The following SLC16A3 variants were observed in gnomAD, a reference collection of about 807,000 sequenced individuals.
SLC16A3 encodes solute carrier family 16 member 3.
In SLC16A3, 22 loss-of-function variants were observed where a neutral mutation model predicts 25.0. The observed-to-expected ratio is 0.88, with a 90% CI of 0.63 to 1.26. The LOEUF (loss-of-function observed/expected upper bound fraction) is 1.26, where lower values mean the gene tolerates loss of function less well. Among genes scored for constraint, SLC16A3 ranks in the 50% most tolerant of loss-of-function variants. SLC16A3 has a pLI of 0.00. For missense variants in SLC16A3, 731 were observed against 666.6 expected (o/e 1.10, Z -1.06); for synonymous variants, 390 against 309.2 (o/e 1.26, Z -2.74).
chr17:82,238,134 G>A (rs1016650431), intron 4 of SLC16A3, among the ~76,000 whole-genome samples: 4 of 151,544 alleles, frequency 2.6e-5, no homozygotes, highest in African/African-American at 9.7e-5. Context: ...GCTGGGCCCG[G>A]GGGGGGGCAG....
chr17:82,238,381 C>T (rs2050671798), intron 4 of SLC16A3, among the ~76,000 whole-genome samples: 1 of 152,188 alleles, frequency 6.6e-6, no homozygotes, highest in East Asian at 1.9e-4. Flanking sequence ...GTACTGAACA[C>T]AGTAGGGCTT....
At chr17:82,222,640 C>A (rs2050396158) in intron 1 of SLC16A3, among the ~76,000 whole-genome samples, 1 of 152,028 alleles carries the variant, frequency 6.6e-6, no homozygotes, top group African/African-American at 2.4e-5. Flanking sequence ...CCTGTCGCTA[C>A]TAAAAATACA....
intron 1 of SLC16A3, among the ~76,000 whole-genome samples, chr17:82,219,751 C>T (rs901089644): frequency 4.6e-5 from 7 of 152,104 alleles, no homozygotes; most frequent in African/African-American, 1.2e-4. Context: ...GGGGGGTCTG[C>T]GCTGAGAAGG....
intron 1 of SLC16A3, chr17:82,234,307 C>G (rs906454566): frequency 1.3e-5 from 2 of 152,264 alleles, no homozygotes; most frequent in Non-Finnish European, 2.9e-5. Context: ...TGTCCTGTCC[C>G]AGGCACTGTG....
At chr17:82,235,040 A>G (rs956901049) in intron 1 of SLC16A3, 1 of 152,304 alleles carries the variant, frequency 6.6e-6, no homozygotes, top group African/African-American at 2.4e-5. Context: ...GGGGTGGGGC[A>G]TGAAGATGGA....
At position 82,240,067 on chromosome 17, in the gene SLC16A3, A is replaced by C. The variant is rs753192691; in HGVS notation, c.*1091A>C. On this transcript the variant is annotated 3_prime_UTR_variant, in exon 5 of 5. Coordinates refer to ENST00000582743, the MANE Select transcript of SLC16A3 (RefSeq NM_004207.4). ...AGATGCCATGTCCCTGCTCCTCTGC[A>C]ATGAAAAGCAAGCGAAAAGTGCACA... is the stretch of plus-strand genomic sequence containing the variant. 8.9e-6 allele frequency: 11 copies of C among 1,233,634 alleles called. No homozygotes were observed. The highest frequency in any genetic ancestry group is 1.1e-5 in the Non-Finnish European group (11 of 987,860). The allele number at this position is 1,233,634 out of a possible 1,614,324, so 76.4% of individuals were successfully genotyped here. A position where few individuals can be genotyped will look rare whatever the true frequency, so the allele number is the denominator to read the frequency against.
At chr17:82,222,557 A>G (rs1303935879) in intron 1 of SLC16A3, among the ~76,000 whole-genome samples, 1 of 152,212 alleles carries the variant, frequency 6.6e-6, no homozygotes, top group Non-Finnish European at 1.5e-5. Flanking sequence ...TCATCCCAGC[A>G]CTTTGGGAGG....
At position 82,237,405 on chromosome 17, in the gene SLC16A3, G is replaced by C. The variant is rs763201733; in HGVS notation, c.635G>C (p.Arg212Pro). 6.4e-6 allele frequency: 10 copies of C among 1,561,556 alleles called. No individual in the cohort carries two copies. The highest frequency in any genetic ancestry group is 7.8e-6 in the Non-Finnish European group (9 of 1,153,276). Residue 212 changes from arginine (R) to proline (P), a missense_variant, in exon 4 of 5, where the codon CGA (arginine) becomes CCA (proline). Physicochemically the swap from Arg to Pro is moderately radical, Grantham distance 103. Transcript: ENST00000582743. ...GCCCAGCCGGGCTCGGGGCCGCCGC[G>C]ACCCTCCCGGCGCCTGCTAGACCTG... ...VTAQPGSGPP[R>P]PSRRLLDLSV... is the part of the protein sequence containing the mutation.
Position 82,239,705 on chromosome 17 carries a change from C to G in SLC16A3, c.*729C>G, listed in dbSNP as rs998973774. The G allele has an allele frequency of 1.1e-5, 4 of 361,010 alleles. No homozygotes were observed. The highest frequency in any genetic ancestry group is 2.0e-5 in the Non-Finnish European group (4 of 202,540). 22.4% of individuals were successfully genotyped at this position (361,010 alleles called of 1,614,324 possible). ...TCTGAAATGTGCCAGGGAGCCCCTA[C>G]GTGGTGGTTAGATGGGAGCTGAGGT... On this transcript the variant is annotated 3_prime_UTR_variant, in exon 5 of 5. Transcript: ENST00000582743.
In SLC16A3 at chr17:82,239,220, G is replaced by A. The variant is rs1040632775; in HGVS notation, c.*244G>A. 16 of 346,270 alleles carry A rather than the reference G, an allele frequency of 4.6e-5. No individual in the cohort carries two copies. The highest frequency in any genetic ancestry group is 7.8e-5 in the Non-Finnish European group (15 of 192,286). The allele number at this position is 346,270 out of a possible 1,614,324, so 21.4% of individuals were successfully genotyped here. A position where few individuals can be genotyped will look rare whatever the true frequency, so the allele number is the denominator to read the frequency against. The stretch of plus-strand genomic sequence containing the variant: ...ACAAGGCATCCTCACCAGGGGCCCC[G>A]CCTGCTGCTCCCAGGTGGCCTGCGG... On this transcript the variant is annotated 3_prime_UTR_variant, in exon 5 of 5. Coordinates refer to ENST00000582743, the MANE Select transcript of SLC16A3 (RefSeq NM_004207.4).
In SLC16A3 at chr17:82,239,441, A is replaced by T. The variant is rs1420754029; in HGVS notation, c.*465A>T. Reference sequence around the variant, plus strand: ...TGGGGACAGCTCTTTCCACCCCTGGAAGATGGAAATAAACCTGCGTGTGGG... The same window carrying T: ...TGGGGACAGCTCTTTCCACCCCTGGTAGATGGAAATAAACCTGCGTGTGGG... On this transcript the variant is annotated 3_prime_UTR_variant, in exon 5 of 5. Transcript: ENST00000582743. 1 of 168,860 alleles carries T rather than the reference A, an allele frequency of 5.9e-6. No individual in the cohort carries two copies. Among genetic ancestry groups the T allele is most frequent in the Non-Finnish European group, 1.3e-5 (1 of 79,746 alleles). 10.5% of individuals were successfully genotyped at this position (168,860 alleles called of 1,614,324 possible). A position where few individuals can be genotyped will look rare whatever the true frequency, so the allele number is the denominator to read the frequency against.
chr17:82,219,443 G>C (rs561235699), intron 1 of SLC16A3, among the ~76,000 whole-genome samples: 1 of 152,134 alleles, frequency 6.6e-6, no homozygotes, highest in Admixed American at 6.5e-5. Flanking sequence ...GTCACCCCCA[G>C]GCACTTGCAG....
rs765721092 is a variant in SLC16A3 at position 82,237,900 on chromosome 17, G to A, written c.1123+7G>A. The A allele has an allele frequency of 1.2e-5, 19 of 1,595,868 alleles. No individual in the cohort carries two copies. The African/African-American group carries it at 1.3e-4, about 11-fold the overall frequency. On this transcript the variant is annotated splice_region_variant and intron_variant, in intron 4 of 4. Coordinates refer to ENST00000582743, the MANE Select transcript of SLC16A3 (RefSeq NM_004207.4). ...GTCGGGCCCCCTTCGGGAGGTGAGCGCTGCGCCCCCAGGCAGTTCCCCACA... is the reference window on the plus strand; with the variant it reads ...GTCGGGCCCCCTTCGGGAGGTGAGCACTGCGCCCCCAGGCAGTTCCCCACA...
At chr17:82,224,050 G>A (rs898472596), upstream of SLC16A3, among the ~76,000 whole-genome samples, 8 of 143,876 alleles carry the variant, frequency 5.6e-5, 1 homozygote, top group Admixed American at 1.4e-4. Flanking sequence ...CCCTACACCC[G>A]TGCAGACACA....
At chr17:82,235,218 G>A (rs1161458056) in intron 1 of SLC16A3, 1 of 150,904 alleles carries the variant, frequency 6.6e-6, no homozygotes, top group African/African-American at 2.5e-5. Flanking sequence ...GGTCACTCCA[G>A]GCACAGGTGG....
Position 82,237,306 on chromosome 17 carries a change from G to C in SLC16A3, c.536G>C (p.Gly179Ala). The part of the protein sequence containing the change: ...LLQDRYGWRG[G>A]FLILGGLLLN... ...CAGGACCGCTACGGCTGGCGGGGCGGCTTCCTCATCCTGGGCGGCCTGCTG... is the reference window on the plus strand; with the variant it reads ...CAGGACCGCTACGGCTGGCGGGGCGCCTTCCTCATCCTGGGCGGCCTGCTG... The change falls in exon 4 of 5, where the codon GGC becomes GCC. Residue 179 changes from glycine to alanine, a missense_variant. Transcript: ENST00000582743. The C allele has an allele frequency of 2.6e-6, 4 of 1,552,022 alleles. No individual in the cohort carries two copies. The highest frequency in any genetic ancestry group is 1.2e-5 in the South Asian group (1 of 84,084).
chr17:82,219,196 C>T (rs535009580), intron 1 of SLC16A3, among the ~76,000 whole-genome samples: 19 of 152,174 alleles, frequency 1.2e-4, no homozygotes, highest in African/African-American at 3.6e-4. Context: ...GGAGGACACC[C>T]GGGACCAGGC....
At chr17:82,226,402 A>C (rs1252284910), upstream of SLC16A3, among the ~76,000 whole-genome samples, 1 of 152,024 alleles carries the variant, frequency 6.6e-6, no homozygotes, top group African/African-American at 2.4e-5. Flanking sequence ...GGTGCTCCCA[A>C]CACCACCCAG....
intron 2 of SLC16A3, 48 bp from the exon 3 acceptor site, chr17:82,236,681 G>A (rs1432528063): frequency 3.2e-6 from 5 of 1,582,234 alleles, no homozygotes; most frequent in African/African-American, 1.3e-5. Flanking sequence ...GCTGGCGGGG[G>A]TAGAGCTGGC....
Sources: allele counts gnomAD v4.1 joint callset (sites outside exome capture counted in the v4.1 genomes callset), GRCh38; gene constraint gnomAD v4.1.1; transcripts MANE v1.5; gene names NCBI Gene and HGNC (gene_info 2026-07-23, HGNC 2026-07-21).